The following ROBO1 variants were observed in gnomAD, a reference collection of about 807,000 sequenced individuals.
ROBO1 encodes roundabout homolog 1.
Under a neutral mutation model 195.9 loss-of-function variants are expected in ROBO1, and 149 were observed. The observed-to-expected ratio is 0.76, with a 90% CI of 0.67 to 0.87. The LOEUF is 0.87. Ranked by LOEUF, ROBO1 falls within the 40% of genes least tolerant of loss-of-function variation. ROBO1 has a pLI of 0.00. For synonymous variants in ROBO1, 816 were observed against 733.2 expected, an observed-to-expected ratio of 1.11 and a Z score of -1.82; for missense variants, 1,933 against 2,068.3, an observed-to-expected ratio of 0.93 and a Z score of 1.27.
chr3:78,961,738 A>G (rs1350327045), intron 3 of ROBO1, among the ~76,000 whole-genome samples: 8 of 152,212 alleles, frequency 5.3e-5, no homozygotes, highest in Admixed American at 5.2e-4. Flanking sequence ...AATGTAAAAT[A>G]GTGCAATGGT....
At chr3:79,524,052 G>T (rs996264834) in intron 2 of ROBO1, among the ~76,000 whole-genome samples, 8 of 151,982 alleles carry the variant, frequency 5.3e-5, no homozygotes, top group Non-Finnish European at 8.8e-5. Flanking sequence ...ACATTTTGAT[G>T]TTATGAAGGA....
At chr3:79,457,571 G>A (rs1399811132) in intron 2 of ROBO1, among the ~76,000 whole-genome samples, 4 of 152,068 alleles carry the variant, frequency 2.6e-5, no homozygotes, top group African/African-American at 9.7e-5. Context: ...CTCATCTTGA[G>A]CTCCCATAAT....
intron 2 of ROBO1, among the ~76,000 whole-genome samples, chr3:79,314,117 C>T (rs1259024762): frequency 1.3e-5 from 2 of 152,142 alleles, no homozygotes; most frequent in Non-Finnish European, 2.9e-5. Flanking sequence ...GTCTCATGCT[C>T]CTCCTTTAAA....
At chr3:79,040,820 ATTGTGTAATACTTC>A (rs1370585728) in intron 3 of ROBO1, among the ~76,000 whole-genome samples, 2 of 152,098 alleles carry the variant, frequency 1.3e-5, no homozygotes, top group Non-Finnish European at 2.9e-5. Context: ...AAAGTATTCA[ATTGTGTAATACTTC>A]TTTTTAAACT....
intron 2 of ROBO1, among the ~76,000 whole-genome samples, chr3:79,278,131 A>G (rs542859407): frequency 8.5e-5 from 13 of 152,236 alleles, no homozygotes; most frequent in Admixed American, 3.9e-4. Flanking sequence ...ATTTTCAAAG[A>G]AAACTATAAA....
intron 3 of ROBO1, among the ~76,000 whole-genome samples, chr3:79,094,418 A>G (rs954449181): frequency 6.6e-6 from 1 of 152,128 alleles, no homozygotes; most frequent in Non-Finnish European, 1.5e-5. Flanking sequence ...CCTGCAAATC[A>G]TAAGTACTGC....
chr3:79,690,919 T>TA (rs1301726895), intron 1 of ROBO1, among the ~76,000 whole-genome samples: 3 of 151,846 alleles, frequency 2.0e-5, no homozygotes. Flanking sequence ...TAGTAACTCT[T>TA]AAAAAAATAG....
chr3:78,635,795 C>T lies in ROBO1; in HGVS notation c.3351G>A (p.Val1117=). 6.2e-7 allele frequency: 1 copy of T among 1,613,704 alleles called. No homozygotes were observed. Among genetic ancestry groups the T allele is most frequent in the South Asian group, 1.1e-5 (1 of 91,072 alleles). The change falls in exon 23 of 31, where the codon GTG becomes GTA. Residue 1117 remains valine, a synonymous_variant. Transcript: ENST00000464233. ...CACCTTTGTTCAGCTTGTTTTGCTC[C>T]ACGATGTTGTACTGAACTGGTGCCA... The part of the protein sequence containing the change: ...QEVAPVQYNI[V]EQNKLNKDYR...
At chr3:79,034,992 C>T (rs995540082) in intron 3 of ROBO1, among the ~76,000 whole-genome samples, 1 of 151,954 alleles carries the variant, frequency 6.6e-6, no homozygotes, top group Non-Finnish European at 1.5e-5. Flanking sequence ...TTAAGTTTTA[C>T]AGCATGTGTT....
chr3:78,942,276 G>A (rs1385769363), intron 3 of ROBO1, among the ~76,000 whole-genome samples: 2 of 152,068 alleles, frequency 1.3e-5, no homozygotes, highest in Non-Finnish European at 2.9e-5. Flanking sequence ...CTCCAGCACA[G>A]GGACAGAGGG....
At chr3:79,071,204 C>T (rs1258246864) in intron 3 of ROBO1, among the ~76,000 whole-genome samples, 1 of 151,658 alleles carries the variant, frequency 6.6e-6, no homozygotes, top group Non-Finnish European at 1.5e-5. Flanking sequence ...TCTGATATGC[C>T]CATTAATCTA....
In ROBO1 at chr3:78,913,682, TA is replaced by T. The variant is rs563542699; in HGVS notation, c.499+24918del. 3.3e-5 allele frequency among the ~76,000 whole-genome samples: 5 copies of T among 152,282 alleles called. No homozygotes were observed. In the East Asian group the frequency reaches 7.7e-4, roughly 23 times the overall value. Reference sequence around the variant, plus strand: ...TGTTACGTGTATTACTGAAACATTTTATTTTTTTTCAACTTGTGAAATGTTA... The same window carrying T: ...TGTTACGTGTATTACTGAAACATTTTTTTTTTTTCAACTTGTGAAATGTTA... On this transcript the variant is annotated intron_variant, in intron 4 of 30. Coordinates refer to ENST00000464233, the MANE Select transcript of ROBO1 (RefSeq NM_002941.4).
At position 79,289,755 on chromosome 3, in the gene ROBO1, C is replaced by A. The variant is rs1241773262; in HGVS notation, c.89-164216G>T. ...AGGGATAACATTTCCAGAACCACAA[C>A]TTGAACTTTGTTTTATGATGTGTTA... On this transcript the variant is annotated intron_variant, in intron 2 of 30. Coordinates refer to ENST00000464233, the MANE Select transcript of ROBO1 (RefSeq NM_002941.4). Among the ~76,000 whole-genome samples, 17 of 152,102 alleles carry A rather than the reference C, an allele frequency of 1.1e-4. 1 individual carries two copies. Among genetic ancestry groups the A allele is most frequent in the Admixed American group, 1.1e-3 (17 of 15,274 alleles).
At chr3:79,612,327 A>G (rs1314369524) in intron 1 of ROBO1, among the ~76,000 whole-genome samples, 2 of 145,880 alleles carry the variant, frequency 1.4e-5, no homozygotes, top group Middle Eastern at 3.5e-3. Flanking sequence ...ATGATTTCCA[A>G]TTTCATCCAT....
At chr3:78,826,056 T>C (rs1294793464) in intron 4 of ROBO1, among the ~76,000 whole-genome samples, 1 of 152,176 alleles carries the variant, frequency 6.6e-6, no homozygotes, top group Non-Finnish European at 1.5e-5. Context: ...CACAGAGCTA[T>C]AGCATATTTT....
At chr3:79,518,777 T>C (rs1395503871) in intron 2 of ROBO1, among the ~76,000 whole-genome samples, 2 of 151,940 alleles carry the variant, frequency 1.3e-5, no homozygotes, top group Non-Finnish European at 2.9e-5. Context: ...GTTCAAGCAA[T>C]TCTCCTGCCT....
chr3:79,445,662 ATT>A (rs375526795), intron 2 of ROBO1, among the ~76,000 whole-genome samples: 9 of 134,078 alleles, frequency 6.7e-5, no homozygotes, highest in Admixed American at 1.5e-4. Flanking sequence ...AGGCCTGGCA[ATT>A]TTTTTTTTTT....
At chr3:79,544,442 T>C (rs2107651422) in intron 2 of ROBO1, among the ~76,000 whole-genome samples, 1 of 152,114 alleles carries the variant, frequency 6.6e-6, no homozygotes, top group East Asian at 1.9e-4. Context: ...TCATGTATAT[T>C]AAATTGTCTT....
At chr3:79,280,866 A>T (rs150615480) in intron 2 of ROBO1, among the ~76,000 whole-genome samples, 1 of 152,262 alleles carries the variant, frequency 6.6e-6, no homozygotes, top group Non-Finnish European at 1.5e-5. Flanking sequence ...GTCTCCGCAG[A>T]TCTGACAGGA....
Sources: allele counts gnomAD v4.1 joint callset (sites outside exome capture counted in the v4.1 genomes callset), GRCh38; gene constraint gnomAD v4.1.1; transcripts MANE v1.5; gene names NCBI Gene and HGNC (gene_info 2026-07-23, HGNC 2026-07-21).